Variants in DPP10 observed in about 807,000 individuals in gnomAD.
DPP10 encodes inactive dipeptidyl peptidase 10.
Under a neutral mutation model 120.9 loss-of-function variants are expected in DPP10, and 33 were observed. The observed-to-expected ratio is 0.27, with a 90% CI of 0.21 to 0.37. The LOEUF is 0.37. DPP10 is among the 10% of genes least tolerant of loss of function. DPP10 has a pLI of 1.00. For missense variants in DPP10, 816 were observed against 942.8 expected (o/e 0.87, Z 1.76); for synonymous variants, 337 against 326.1 (o/e 1.03, Z -0.36).
intron 1 of DPP10, among the ~76,000 whole-genome samples, chr2:114,963,788 A>G (rs6730243): frequency 0.12 from 18,769 of 152,184 alleles, 1,265 homozygotes; most frequent in Middle Eastern, 0.27. Context: ...GGATTTGCTA[A>G]AGATCAAATC....
chr2:115,396,230 G>C (rs1203986567), intron 3 of DPP10, among the ~76,000 whole-genome samples: 1 of 152,076 alleles, frequency 6.6e-6, no homozygotes, highest in African/African-American at 2.4e-5. Flanking sequence ...TGTTCCCCCT[G>C]TGCCTTTTCA....
chr2:114,787,109 A>G (rs558703718), intron 1 of DPP10, among the ~76,000 whole-genome samples: 2 of 152,330 alleles, frequency 1.3e-5, no homozygotes, highest in East Asian at 3.9e-4. Flanking sequence ...GTGATGTCAT[A>G]GAAAATGACT....
chr2:115,325,501 A>G (rs75651296), intron 2 of DPP10, among the ~76,000 whole-genome samples: 3,709 of 152,262 alleles, frequency 0.024, 155 homozygotes, highest in African/African-American at 0.084. Context: ...AAAATACACA[A>G]TAAAGTACGT....
intron 1 of DPP10, among the ~76,000 whole-genome samples, chr2:114,850,656 G>T (rs899056874): frequency 6.6e-6 from 1 of 151,932 alleles, no homozygotes; most frequent in Admixed American, 6.6e-5. Flanking sequence ...CACTTAAGTT[G>T]CTCCTCCCCA....
chr2:115,300,383 G>A (rs922824602), intron 1 of DPP10, among the ~76,000 whole-genome samples: 1 of 151,984 alleles, frequency 6.6e-6, no homozygotes, highest in Non-Finnish European at 1.5e-5. Flanking sequence ...GTTCATCTAT[G>A]TTGTAGCAAC....
intron 19 of DPP10, among the ~76,000 whole-genome samples, chr2:115,803,144 G>C (rs1181105311): frequency 2.0e-5 from 3 of 152,170 alleles, no homozygotes; most frequent in African/African-American, 7.2e-5. Flanking sequence ...ATTTAGGATA[G>C]TTAGTTCTTC....
At chr2:114,836,697 A>C (rs1231168589) in intron 1 of DPP10, among the ~76,000 whole-genome samples, 1 of 152,128 alleles carries the variant, frequency 6.6e-6, no homozygotes, top group Non-Finnish European at 1.5e-5. Context: ...GTCTGACCAA[A>C]AATGTATTAG....
At chr2:115,392,972 A>G (rs1216849211) in intron 3 of DPP10, among the ~76,000 whole-genome samples, 2 of 152,146 alleles carry the variant, frequency 1.3e-5, no homozygotes, top group Non-Finnish European at 2.9e-5. Flanking sequence ...GCATATTTAT[A>G]TTGAATTTTC....
intron 1 of DPP10, among the ~76,000 whole-genome samples, chr2:115,056,770 T>A (rs533328470): frequency 8.5e-5 from 13 of 152,152 alleles, no homozygotes; most frequent in Non-Finnish European, 1.9e-4. Flanking sequence ...AGACAGAAGA[T>A]GTGAGTGAAT....
chr2:114,462,425 G>A (rs2104571755), intron 1 of DPP10, among the ~76,000 whole-genome samples: 1 of 152,272 alleles, frequency 6.6e-6, no homozygotes, highest in East Asian at 1.9e-4. Context: ...TCTGAACTGT[G>A]ACAATTTTTC....
chr2:114,752,296 C>A (rs535846968), intron 1 of DPP10, among the ~76,000 whole-genome samples: 119 of 152,300 alleles, frequency 7.8e-4, no homozygotes, highest in African/African-American at 2.7e-3. Flanking sequence ...TCTTCTTACT[C>A]TTCAGGTATC....
chr2:114,543,155 A>G (rs928455410), intron 1 of DPP10, among the ~76,000 whole-genome samples: 1 of 152,208 alleles, frequency 6.6e-6, no homozygotes, highest in African/African-American at 2.4e-5. Flanking sequence ...GTTAAAATTC[A>G]CTTGTTACAA....
At chr2:115,666,726 C>T (rs1408649499) in intron 5 of DPP10, among the ~76,000 whole-genome samples, 2 of 152,044 alleles carry the variant, frequency 1.3e-5, no homozygotes, top group African/African-American at 4.8e-5. Flanking sequence ...CAGACGTGTT[C>T]CTCTGTCTTT....
chr2:115,204,212 A>C (rs2055953061), intron 1 of DPP10, among the ~76,000 whole-genome samples: 1 of 152,174 alleles, frequency 6.6e-6, no homozygotes, highest in Admixed American at 6.6e-5. Context: ...GGCCCTCTTA[A>C]AAGGCTAAGT....
intron 5 of DPP10, among the ~76,000 whole-genome samples, chr2:115,607,555 T>G (rs2083779821): frequency 6.6e-6 from 1 of 152,214 alleles, no homozygotes; most frequent in African/African-American, 2.4e-5. Context: ...TGTGCTAAAG[T>G]AAAACAAGAA....
At chr2:114,872,545 T>C (rs1324085417) in intron 1 of DPP10, among the ~76,000 whole-genome samples, 1 of 152,192 alleles carries the variant, frequency 6.6e-6, no homozygotes, top group Non-Finnish European at 1.5e-5. Context: ...TGGCAGGCTT[T>C]ATAGTGCCAA....
At chr2:115,212,009 A>G (rs945474837) in intron 1 of DPP10, among the ~76,000 whole-genome samples, 9 of 152,178 alleles carry the variant, frequency 5.9e-5, no homozygotes, top group African/African-American at 1.7e-4. Context: ...ATGCAAAGCA[A>G]TGACCCAGGG....
chr2:115,319,997 GA>G (rs1272426304), intron 2 of DPP10, among the ~76,000 whole-genome samples: 2 of 152,088 alleles, frequency 1.3e-5, no homozygotes, highest in Non-Finnish European at 2.9e-5. Flanking sequence ...TTGCTTTGGG[GA>G]TTAAATTTCA....
chr2:115,655,757 C>T (rs2088255382), intron 5 of DPP10, among the ~76,000 whole-genome samples: 1 of 151,336 alleles, frequency 6.6e-6, no homozygotes, highest in African/African-American at 2.4e-5. Context: ...TCAACACATT[C>T]CTACTGAATT....
Sources: gnomAD v4.1 joint callset for allele counts (sites outside exome capture counted in the v4.1 genomes callset) on GRCh38, gnomAD v4.1.1 for gene constraint, MANE v1.5 for transcripts, NCBI Gene and HGNC (gene_info 2026-07-23, HGNC 2026-07-21) for gene names.